NBPF4: variants seen among roughly 807,000 people sequenced by gnomAD.
NBPF4 encodes the protein NBPF member 4, also known as NBPF family member NBPF4.
Under a neutral mutation model 21.1 loss-of-function variants are expected in NBPF4, and 11 were observed. That is an observed-to-expected ratio of 0.52 (90% CI 0.33 to 0.86). The LOEUF is 0.86. Among genes scored for constraint, NBPF4 ranks in the 40% least tolerant of loss-of-function variants. The pLI is 0.03. For synonymous variants in NBPF4, 47 were observed against 106.4 expected (o/e 0.44, Z 3.43); for missense variants, 88 against 265.3 (o/e 0.33, Z 4.64).
rs1649377628 is a variant in NBPF4, at chr1:108,223,543, T to C, written c.*162A>G. On this transcript the variant is annotated 3_prime_UTR_variant, in exon 15 of 15. Transcript: ENST00000415641. ...TTGGAGGGGGATGGAATGTGGCTTC[T>C]CAAATCAAAGGAGCATAGTGGCTTG... is the stretch of plus-strand genomic sequence containing the variant. 6.9e-6 allele frequency: 5 copies of C among 722,760 alleles called. No homozygotes were observed. In the South Asian group the frequency reaches 9.0e-5, roughly 13 times the overall value. 44.8% of individuals were successfully genotyped at this position (722,760 alleles called of 1,614,324 possible).
chr1:108,247,829 T>C (rs1428773088), upstream of NBPF4, among the ~76,000 whole-genome samples: 3 of 114,622 alleles, frequency 2.6e-5, no homozygotes, highest in African/African-American at 6.2e-5. Flanking sequence ...GAGTGTGAGA[T>C]GCTTTTTTTT....
In NBPF4 at chr1:108,229,156, G is replaced by T; in HGVS notation, c.1424C>A (p.Ser475Tyr). 1 of 1,545,554 alleles carries T rather than the reference G, an allele frequency of 6.5e-7. No homozygotes were observed. The highest frequency in any genetic ancestry group is 8.8e-7 in the Non-Finnish European group (1 of 1,141,956). ...QLACSALDVA[S>Y]PTEAACPQGT... ...TTGGGGACAGGCCGCCTCGGTGGGG[G>T]CTGAAAGGAGAAGGGGCTTCAGTAG... The change falls in exon 13 of 15, where the codon TCC becomes TAC. Residue 475 changes from serine (S) to tyrosine (Y), a missense_variant and splice_region_variant. This residue lies in a region of NBPF4 where 60 missense variants were observed against 86.5 expected (regional missense o/e 0.69). Transcript: ENST00000415641.
Position 108,222,720 on chromosome 1 carries a change from CTT to C in NBPF4, c.*983_*984del, listed in dbSNP as rs569986024. ...AGATAGACAATTTTCAATGTACAAA[CTT>C]AAATATAATAACTGACACAGACGGG... On this transcript the variant is annotated 3_prime_UTR_variant, in exon 15 of 15. Coordinates refer to ENST00000415641, the MANE Select transcript of NBPF4 (RefSeq NM_001143989.3). 1.3e-3 allele frequency among the ~76,000 whole-genome samples: 195 copies of C among 152,272 alleles called. No homozygotes were observed. The highest frequency in any genetic ancestry group is 4.5e-3 in the African/African-American group (189 of 41,554).
chr1:108,252,758 T>G, the NBPF4 span, among the ~76,000 whole-genome samples: 2 of 125,510 alleles, frequency 1.6e-5, no homozygotes, highest in African/African-American at 3.3e-5. Context: ...TCAGCTCTGA[T>G]TTTGGTTTTC....
chr1:108,257,350 A>G, the NBPF4 span, among the ~76,000 whole-genome samples: 1 of 149,068 alleles, frequency 6.7e-6, no homozygotes, highest in East Asian at 1.9e-4. Context: ...TTTGTGTTAC[A>G]CACACTCCAA....
the NBPF4 span, among the ~76,000 whole-genome samples, chr1:108,258,594 G>A: frequency 7.3e-6 from 1 of 137,076 alleles, no homozygotes; most frequent in Non-Finnish European, 1.6e-5. Context: ...ATTTTACTTG[G>A]AGCTTTATCA....
At chr1:108,264,162 A>G in the NBPF4 span, among the ~76,000 whole-genome samples, 2 of 149,288 alleles carry the variant, frequency 1.3e-5, no homozygotes, top group Non-Finnish European at 2.9e-5. Flanking sequence ...GCAAAGATGA[A>G]CACAGACTCA....
In NBPF4 at chr1:108,226,458, C is replaced by T. The variant is rs146889963; in HGVS notation, c.1875+221G>A. On this transcript the variant is annotated intron_variant, in intron 14 of 14. Transcript: ENST00000415641. ...GCCATGAGAGGGACTCTCAAGACAG[C>T]AGAAAAAGGAATAGAGCAGAGTTCA... Among the ~76,000 whole-genome samples the T allele has an allele frequency of 6.4e-4, 96 of 149,388 alleles. 1 individual carries two copies. Among genetic ancestry groups the T allele is most frequent in the African/African-American group, 8.8e-4 (35 of 39,958 alleles).
At chr1:108,248,021 G>A (rs1649892062), upstream of NBPF4, among the ~76,000 whole-genome samples, 1 of 151,870 alleles carries the variant, frequency 6.6e-6, no homozygotes, top group East Asian at 1.9e-4. Context: ...GTCTTGCTGT[G>A]TTGCTCAGGC....
At chr1:108,226,012 T>G (rs1455257551) in intron 14 of NBPF4, among the ~76,000 whole-genome samples, 1 of 119,456 alleles carries the variant, frequency 8.4e-6, no homozygotes, top group African/African-American at 3.3e-5. Context: ...CTCAAGTGAG[T>G]CCATGAGGTG....
At chr1:108,228,666 G>A (rs934803871) in intron 13 of NBPF4, among the ~76,000 whole-genome samples, 3 of 151,570 alleles carry the variant, frequency 2.0e-5, no homozygotes, top group Non-Finnish European at 4.4e-5. Flanking sequence ...TCTTAGATGA[G>A]GGAACAGAGA....
Position 108,223,235 on chromosome 1 carries a change from G to A in NBPF4, c.*470C>T, listed in dbSNP as rs1289670327. The A allele has an allele frequency of 1.3e-5, 2 of 152,976 alleles. No homozygotes were observed. The highest frequency in any genetic ancestry group is 4.1e-4 in the South Asian group (2 of 4,840). The allele number at this position is 152,976 out of a possible 1,614,324, so 9.5% of individuals were successfully genotyped here. Reference sequence around the variant, plus strand: ...TTCTCCTTTTTGTTGTGTTCTTGGTGGTGACATGGACTGTTTGAAGGAGAC... The same window carrying A: ...TTCTCCTTTTTGTTGTGTTCTTGGTAGTGACATGGACTGTTTGAAGGAGAC... On this transcript the variant is annotated 3_prime_UTR_variant, in exon 15 of 15. Transcript: ENST00000415641.
the NBPF4 span, among the ~76,000 whole-genome samples, chr1:108,257,917 T>C: frequency 1.5e-4 from 21 of 143,070 alleles, 1 homozygote; most frequent in East Asian, 3.7e-3. Flanking sequence ...CCCGGCTAAG[T>C]TTTCGTGCTT....
the NBPF4 span, among the ~76,000 whole-genome samples, chr1:108,256,589 TCTCCCTCC>T: frequency 6.7e-3 from 515 of 77,344 alleles, 8 homozygotes; most frequent in African/African-American, 0.03. Flanking sequence ...TCCCTCCCTC[TCTCCCTCC>T]CTCCCTCCCT....
the NBPF4 span, among the ~76,000 whole-genome samples, chr1:108,266,050 A>T: frequency 7.5e-4 from 92 of 123,002 alleles, 1 homozygote; most frequent in East Asian, 2.9e-3. Flanking sequence ...ATAATAATTT[A>T]AAAAAAAAAG....
chr1:108,257,744 CT>C, the NBPF4 span, among the ~76,000 whole-genome samples: 1 of 115,810 alleles, frequency 8.6e-6, no homozygotes, highest in Non-Finnish European at 1.8e-5. Flanking sequence ...TTTTATCAAT[CT>C]TTTTTTCTTT....
At chr1:108,223,778 G>A in intron 14 of NBPF4, 32 bp from the exon 15 acceptor site, 2 of 1,544,056 alleles carry the variant, frequency 1.3e-6, no homozygotes, top group Non-Finnish European at 1.7e-6. Context: ...AAAATCAAAT[G>A]AGCATTTTTG....
upstream of NBPF4, among the ~76,000 whole-genome samples, chr1:108,246,437 A>T (rs1160251086): frequency 8.4e-6 from 1 of 119,728 alleles, no homozygotes; most frequent in Non-Finnish European, 1.8e-5. Context: ...TTCTGTTTTG[A>T]GATTAAATTC....
In NBPF4 at chr1:108,228,850, C is replaced by T. The variant is rs1324324707; in HGVS notation, c.1660+70G>A. 8.8e-6 allele frequency: 8 copies of T among 913,910 alleles called. No individual in the cohort carries two copies. In the East Asian group the frequency reaches 1.1e-4, roughly 12 times the overall value. The allele number at this position is 913,910 out of a possible 1,614,324, so 56.6% of individuals were successfully genotyped here. Reference sequence around the variant, plus strand: ...GAAGCATGGGAGGCCCCATTCTCTCCTCCACCCACAGCACCGTCGTGACCA... The same window carrying T: ...GAAGCATGGGAGGCCCCATTCTCTCTTCCACCCACAGCACCGTCGTGACCA... On this transcript the variant is annotated intron_variant, in intron 13 of 14. Transcript: ENST00000415641.
Sources: allele counts gnomAD v4.1 joint callset (sites outside exome capture counted in the v4.1 genomes callset), GRCh38; gene constraint gnomAD v4.1.1; regional missense constraint gnomAD v4.1.1; transcripts MANE v1.5; gene names NCBI Gene and HGNC (gene_info 2026-07-23, HGNC 2026-07-21).